PDGFC: variants seen among roughly 807,000 people sequenced by gnomAD.
PDGFC encodes the protein platelet-derived growth factor C.
PDGFC carries 12 observed loss-of-function variants against 35.5 expected under a neutral mutation model. The ratio of observed to expected loss-of-function variants is 0.34; its 90% CI spans 0.22 to 0.55. The LOEUF (loss-of-function observed/expected upper bound fraction) is 0.55, where lower values mean the gene tolerates loss of function less well. Ranked by LOEUF, PDGFC falls within the 20% of genes least tolerant of loss-of-function variation. PDGFC has a pLI of 0.91. For synonymous variants in PDGFC, 159 were observed against 148.8 expected, an observed-to-expected ratio of 1.07 and a Z score of -0.50; for missense variants, 322 against 412.4, an observed-to-expected ratio of 0.78 and a Z score of 1.90.
chr4:156,852,283 T>A (rs986522318), intron 1 of PDGFC, among the ~76,000 whole-genome samples: 1 of 152,182 alleles, frequency 6.6e-6, no homozygotes, highest in African/African-American at 2.4e-5. Flanking sequence ...AAGGTAAGTA[T>A]CATTGTATTC....
At chr4:156,904,476 C>T (rs187857591) in intron 1 of PDGFC, among the ~76,000 whole-genome samples, 272 of 152,220 alleles carry the variant, frequency 1.8e-3, no homozygotes, top group African/African-American at 5.7e-3. Context: ...AGAAATTTAT[C>T]TTTCACATAA....
intron 2 of PDGFC, among the ~76,000 whole-genome samples, chr4:156,850,006 G>A (rs1300908069): frequency 6.6e-6 from 1 of 151,960 alleles, no homozygotes; most frequent in African/African-American, 2.4e-5. Context: ...AATTTTAGAA[G>A]TAGGTAGAAA....
At chr4:156,900,260 A>C (rs1407682087) in intron 1 of PDGFC, among the ~76,000 whole-genome samples, 3 of 152,174 alleles carry the variant, frequency 2.0e-5, no homozygotes, top group Non-Finnish European at 2.9e-5. Flanking sequence ...CCTAAAATCC[A>C]GGCTCAAAAT....
chr4:156,936,610 T>C (rs561361992), intron 1 of PDGFC, among the ~76,000 whole-genome samples: 109 of 152,060 alleles, frequency 7.2e-4, no homozygotes, highest in African/African-American at 2.0e-3. Flanking sequence ...GAAAAGGCAA[T>C]TGGAAAAAGA....
intron 1 of PDGFC, among the ~76,000 whole-genome samples, chr4:156,953,273 T>C (rs992030733): frequency 5.9e-5 from 9 of 151,910 alleles, no homozygotes; most frequent in Non-Finnish European, 8.8e-5. Flanking sequence ...GACAGAGATA[T>C]AGGACCACCT....
At chr4:156,852,324 T>C (rs1440571517) in intron 1 of PDGFC, among the ~76,000 whole-genome samples, 1 of 152,220 alleles carries the variant, frequency 6.6e-6, no homozygotes, top group East Asian at 1.9e-4. Context: ...CATCAAGCTG[T>C]GTAACAGAGT....
intron 4 of PDGFC, among the ~76,000 whole-genome samples, chr4:156,768,595 G>A (rs1730605822): frequency 6.6e-6 from 1 of 152,042 alleles, no homozygotes; most frequent in Admixed American, 6.6e-5. Context: ...AGCAGAAGTT[G>A]TTGGAAGGCA....
chr4:156,933,779 G>T (rs914643284), intron 1 of PDGFC, among the ~76,000 whole-genome samples: 4 of 152,052 alleles, frequency 2.6e-5, no homozygotes, highest in African/African-American at 9.7e-5. Context: ...GTTCTCCCAA[G>T]ACCTGATGGT....
chr4:156,964,542 C>G (rs1386586688), intron 1 of PDGFC, among the ~76,000 whole-genome samples: 2 of 151,498 alleles, frequency 1.3e-5, no homozygotes, highest in Non-Finnish European at 2.9e-5. Context: ...GTTTCCCTTA[C>G]TGTTCCCGTA....
intron 3 of PDGFC, among the ~76,000 whole-genome samples, chr4:156,778,586 T>C (rs1227166911): frequency 6.6e-6 from 1 of 152,146 alleles, no homozygotes; most frequent in Non-Finnish European, 1.5e-5. Flanking sequence ...ATCTTTCCCC[T>C]TTTTTAGAAA....
chr4:156,772,818 T>TTA lies in PDGFC; in HGVS notation c.569_570dup (p.Thr191Ter). The TTA allele has an allele frequency of 6.2e-7, 1 of 1,613,032 alleles. No individual in the cohort carries two copies. Among genetic ancestry groups the TTA allele is most frequent in the Non-Finnish European group, 8.5e-7 (1 of 1,179,102 alleles). Reference sequence around the variant, plus strand: ...AGGTCTTCCAAGGTACTAAAGGCAGTTATAGCATTATTAAGCAGGTCCAGT... The same window carrying TTA: ...AGGTCTTCCAAGGTACTAAAGGCAGTTATATAGCATTATTAAGCAGGTCCAGT... On this transcript the variant is annotated frameshift_variant, in exon 4 of 6. Coordinates refer to ENST00000502773, the MANE Select transcript of PDGFC (RefSeq NM_016205.3). LOFTEE classifies it high-confidence loss of function.
intron 1 of PDGFC, among the ~76,000 whole-genome samples, chr4:156,947,818 G>A (rs968320769): frequency 6.6e-6 from 1 of 151,948 alleles, no homozygotes; most frequent in Admixed American, 6.6e-5. Context: ...CATATACTGT[G>A]GAGAGTGTGA....
At chr4:156,939,172 C>G (rs1015884290) in intron 1 of PDGFC, among the ~76,000 whole-genome samples, 1 of 152,000 alleles carries the variant, frequency 6.6e-6, no homozygotes, top group Non-Finnish European at 1.5e-5. Context: ...ATTTACATAT[C>G]GTTTTTTAGG....
intron 1 of PDGFC, among the ~76,000 whole-genome samples, chr4:156,931,970 C>T (rs1039695250): frequency 6.6e-6 from 1 of 152,060 alleles, no homozygotes; most frequent in Non-Finnish European, 1.5e-5. Flanking sequence ...ATCTGCAATA[C>T]TAACCCTGAC....
Position 156,917,056 on chromosome 4 carries a change from A to G in PDGFC, c.118+53730T>C, listed in dbSNP as rs142044018. Among the ~76,000 whole-genome samples, 329 of 152,278 alleles carry G rather than the reference A, an allele frequency of 2.2e-3. 1 individual carries two copies. The highest frequency in any genetic ancestry group is 1.5e-3 in the Non-Finnish European group (103 of 68,014). The stretch of plus-strand genomic sequence containing the variant: ...GATAAAATGAAAAATTGCATCCTCA[A>G]TGTGCAACAGATAGCCTCCCAAATT... On this transcript the variant is annotated intron_variant, in intron 1 of 5. Coordinates refer to ENST00000502773, the MANE Select transcript of PDGFC (RefSeq NM_016205.3).
intron 1 of PDGFC, among the ~76,000 whole-genome samples, chr4:156,914,025 T>C (rs1035036529): frequency 1.3e-5 from 2 of 151,936 alleles, no homozygotes; most frequent in African/African-American, 4.8e-5. Context: ...ATCCTGTAAA[T>C]TTCTTTCTTG....
chr4:156,789,118 C>T (rs559041964), intron 3 of PDGFC, among the ~76,000 whole-genome samples: 41 of 152,206 alleles, frequency 2.7e-4, no homozygotes, highest in Middle Eastern at 3.4e-3. Context: ...TTATTGAATC[C>T]ACTGCTACAA....
chr4:156,844,766 T>C (rs1377782651), intron 2 of PDGFC, among the ~76,000 whole-genome samples: 1 of 152,040 alleles, frequency 6.6e-6, no homozygotes, highest in Non-Finnish European at 1.5e-5. Flanking sequence ...ATTGTATGCA[T>C]CAACTAACAT....
intron 1 of PDGFC, among the ~76,000 whole-genome samples, chr4:156,862,717 C>A (rs1425496): frequency 1 from 151,538 of 151,754 alleles, 75,661 homozygotes; most frequent in East Asian, 1. Context: ...ACATCTTTAT[C>A]TCTCTCTCTT....
Sources: gnomAD v4.1 joint callset for allele counts (sites outside exome capture counted in the v4.1 genomes callset) on GRCh38, gnomAD v4.1.1 for gene constraint, MANE v1.5 for transcripts, NCBI Gene and HGNC (gene_info 2026-07-23, HGNC 2026-07-21) for gene names.